SLC9B2: variants seen among roughly 807,000 people sequenced by gnomAD.
The protein encoded by SLC9B2 is sodium/hydrogen exchanger 9B2.
In SLC9B2, 39 loss-of-function variants were observed where a neutral mutation model predicts 52.2. The ratio of observed to expected loss-of-function variants is 0.75; its 90% CI spans 0.58 to 0.98. SLC9B2 has a LOEUF of 0.98. SLC9B2 is among the 50% of genes least tolerant of loss of function. The pLI is 0.00. For synonymous variants in SLC9B2, 214 were observed against 227.0 expected (o/e 0.94, Z 0.51); for missense variants, 626 against 637.5 (o/e 0.98, Z 0.19).
Position 103,031,683 on chromosome 4 carries a change from C to A in SLC9B2, c.1255+17G>T. ...AAAAAAGTGAATTTTAACAAAAGCA[C>A]ATTTTGAAATTCTTACCTACAGTTT... On this transcript the variant is annotated intron_variant, in intron 10 of 11. Transcript: ENST00000394785. The A allele has an allele frequency of 6.3e-7, 1 of 1,597,452 alleles. No homozygotes were observed. The highest frequency in any genetic ancestry group is 8.6e-7 in the Non-Finnish European group (1 of 1,169,128).
At chr4:103,070,311 A>G (rs1340260188) in intron 1 of SLC9B2, among the ~76,000 whole-genome samples, 2 of 152,236 alleles carry the variant, frequency 1.3e-5, no homozygotes, top group Non-Finnish European at 2.9e-5. Flanking sequence ...TTGGGTCTTG[A>G]AATTACAAAA....
At chr4:103,057,661 C>T (rs753075529) in intron 4 of SLC9B2, 140 bp downstream of exon 4, 5 of 875,146 alleles carry the variant, frequency 5.7e-6, no homozygotes, top group Non-Finnish European at 8.6e-6. Context: ...TACAGAACTA[C>T]TCAAAATTTA....
At chr4:103,055,163 C>G (rs1745018687) in intron 4 of SLC9B2, among the ~76,000 whole-genome samples, 1 of 146,898 alleles carries the variant, frequency 6.8e-6, no homozygotes, top group Non-Finnish European at 1.5e-5. Context: ...ACTGCATGTT[C>G]TCACTCATAG....
intron 4 of SLC9B2, among the ~76,000 whole-genome samples, chr4:103,052,767 A>G (rs1189915142): frequency 5.3e-5 from 8 of 150,464 alleles, no homozygotes; most frequent in Non-Finnish European, 7.4e-5. Flanking sequence ...GGTTGGTCTC[A>G]AACTCCTGGG....
rs761308773 is a variant in SLC9B2 at position 103,028,712 on chromosome 4, G to A, written c.1392+35C>T. The A allele has an allele frequency of 4.5e-6, 7 of 1,571,950 alleles. No individual in the cohort carries two copies. In the South Asian group the frequency reaches 6.0e-5, roughly 13 times the overall value. On this transcript the variant is annotated intron_variant, in intron 11 of 11. Coordinates refer to ENST00000394785, the MANE Select transcript of SLC9B2 (RefSeq NM_178833.7). ...TATTTCAAGGTGTCATGCAGAAATA[G>A]CAGTTAAAATGCTAAGCCATCCTAT...
rs542471137 is a variant in SLC9B2 at position 103,045,091 on chromosome 4, A to T, written c.890-95T>A. The T allele has an allele frequency of 3.8e-6, 3 of 794,388 alleles. No homozygotes were observed. The South Asian group carries it at 5.6e-5, about 15-fold the overall frequency. 49.2% of individuals were successfully genotyped at this position (794,388 alleles called of 1,614,324 possible). ...CAACATGAAGCATCTAATTACAAAG[A>T]AGAAACATTTTAAAGACAGTTTCTG... On this transcript the variant is annotated intron_variant, in intron 7 of 11. Coordinates refer to ENST00000394785, the MANE Select transcript of SLC9B2 (RefSeq NM_178833.7).
chr4:103,054,731 G>C (rs1453320986), intron 4 of SLC9B2, among the ~76,000 whole-genome samples: 5 of 152,162 alleles, frequency 3.3e-5, no homozygotes, highest in Non-Finnish European at 5.9e-5. Context: ...TAAAAAGTCA[G>C]GAAACAACAA....
intron 3 of SLC9B2, among the ~76,000 whole-genome samples, chr4:103,061,498 G>A (rs573995543): frequency 1.2e-4 from 18 of 152,222 alleles, no homozygotes; most frequent in African/African-American, 3.9e-4. Context: ...ATCACACACC[G>A]GGGCCTGTTG....
At chr4:103,063,455 GTCTCATTTTTCAGTA>G (rs1745841958) in intron 3 of SLC9B2, among the ~76,000 whole-genome samples, 2 of 152,108 alleles carry the variant, frequency 1.3e-5, no homozygotes, top group African/African-American at 4.8e-5. Flanking sequence ...ATGGAATTGA[GTCTCATTTTTCAGTA>G]AACATATGTG....
chr4:103,056,082 G>A (rs745792820), intron 4 of SLC9B2, among the ~76,000 whole-genome samples: 2 of 152,048 alleles, frequency 1.3e-5, no homozygotes, highest in Admixed American at 1.3e-4. Flanking sequence ...GGGATTACAG[G>A]CGTGAGCCAC....
chr4:103,053,793 G>A (rs1396100932), intron 4 of SLC9B2, among the ~76,000 whole-genome samples: 1 of 151,814 alleles, frequency 6.6e-6, no homozygotes, highest in Non-Finnish European at 1.5e-5. Context: ...ACCTCTGCCT[G>A]CTGGGTTCAA....
chr4:103,057,698 C>T lies in SLC9B2; in HGVS notation c.442+103G>A, dbSNP rs570263768. On this transcript the variant is annotated intron_variant, in intron 4 of 11. Transcript: ENST00000394785. ...CAACTGGCTTTTGGCTCCAGCATGG[C>T]AAATACAGAAATATTTTATTCCTTT... 22 of 1,286,226 alleles carry T rather than the reference C, an allele frequency of 1.7e-5. No homozygotes were observed. The South Asian group carries it at 3.0e-4, about 17-fold the overall frequency. The allele number at this position is 1,286,226 out of a possible 1,614,324, so 79.7% of individuals were successfully genotyped here. A position where few individuals can be genotyped will look rare whatever the true frequency, so the allele number is the denominator to read the frequency against.
chr4:103,070,529 C>T (rs1746525698), intron 1 of SLC9B2, among the ~76,000 whole-genome samples: 1 of 152,198 alleles, frequency 6.6e-6, no homozygotes, highest in South Asian at 2.1e-4. Context: ...CAACCTCCGC[C>T]GCCTGGGTTC....
Position 103,047,237 on chromosome 4 carries a change from A to G in SLC9B2, c.714-11T>C. Reference sequence around the variant, plus strand: ...GCACCTAAAACAAAACTAGGCAGACAGCATTTTAAACATTTATGATAACAT... The same window carrying G: ...GCACCTAAAACAAAACTAGGCAGACGGCATTTTAAACATTTATGATAACAT... On this transcript the variant is annotated splice_polypyrimidine_tract_variant and intron_variant, in intron 6 of 11. Coordinates refer to ENST00000394785, the MANE Select transcript of SLC9B2 (RefSeq NM_178833.7). 1.2e-6 allele frequency: 2 copies of G among 1,601,894 alleles called. No individual in the cohort carries two copies. Among genetic ancestry groups the G allele is most frequent in the Middle Eastern group, 1.7e-4 (1 of 6,006 alleles).
At chr4:103,035,813 CACATGAACGTGT>C (rs1358266203) in intron 9 of SLC9B2, among the ~76,000 whole-genome samples, 1 of 152,166 alleles carries the variant, frequency 6.6e-6, no homozygotes, top group African/African-American at 2.4e-5. Context: ...ACCATTAAGA[CACATGAACGTGT>C]ACGTTCATTA....
In SLC9B2 at chr4:103,048,915, A is replaced by G. The variant is rs760064958; in HGVS notation, c.691T>C (p.Trp231Arg). The G allele has an allele frequency of 1.9e-6, 3 of 1,613,836 alleles. No homozygotes were observed. Among genetic ancestry groups the G allele is most frequent in the Non-Finnish European group, 2.5e-6 (3 of 1,179,878 alleles). Residue 231 changes from tryptophan (W) to arginine (R), a missense_variant, in exon 6 of 12, where the codon TGG (tryptophan) becomes CGG (arginine). Physicochemically the swap from Trp to Arg is moderately radical, Grantham distance 101. Coordinates refer to ENST00000394785, the MANE Select transcript of SLC9B2 (RefSeq NM_178833.7). ...TACCCCAGTATAAATCCCCATTGCC[A>G]TGGTAAACCCAGCAGGTAATGGGCA... ...LLAHYLLGLP[W>R]QWGFILGFVL...
intron 4 of SLC9B2, among the ~76,000 whole-genome samples, chr4:103,051,648 A>G (rs1219337463): frequency 1.3e-5 from 2 of 152,244 alleles, no homozygotes; most frequent in Admixed American, 1.3e-4. Context: ...TAAAGTGACA[A>G]GTACATACTG....
At chr4:103,069,522 A>T (rs1175029135) in intron 1 of SLC9B2, among the ~76,000 whole-genome samples, 1 of 152,252 alleles carries the variant, frequency 6.6e-6, no homozygotes, top group Non-Finnish European at 1.5e-5. Context: ...AGTGTTGGTT[A>T]TTGCTAACCA....
intron 11 of SLC9B2, among the ~76,000 whole-genome samples, chr4:103,027,020 G>T (rs1742288137): frequency 6.6e-6 from 1 of 152,108 alleles, no homozygotes; most frequent in African/African-American, 2.4e-5. Context: ...GGGATTACAG[G>T]TGTAAGTCAC....
Sources: gnomAD v4.1 joint callset for allele counts (sites outside exome capture counted in the v4.1 genomes callset) on GRCh38, gnomAD v4.1.1 for gene constraint, MANE v1.5 for transcripts, NCBI Gene and HGNC (gene_info 2026-07-23, HGNC 2026-07-21) for gene names.